RYR1: variants seen among roughly 807,000 people sequenced by gnomAD.
The protein encoded by RYR1 is central core disease of muscle.
In RYR1, 342 loss-of-function variants were observed where a neutral mutation model predicts 583.5. The observed-to-expected ratio is 0.59, with a 90% CI of 0.54 to 0.64. The LOEUF is 0.64. Ranked by LOEUF, RYR1 falls within the 30% of genes least tolerant of loss-of-function variation. The pLI is 0.00. For missense variants in RYR1, 6,032 were observed against 6,917.2 expected (o/e 0.87, Z 4.54); for synonymous variants, 2,791 against 2,822.5 (o/e 0.99, Z 0.35).
intron 96 of RYR1, among the ~76,000 whole-genome samples, chr19:38,575,536 C>T (rs58566631): frequency 0.023 from 3,514 of 152,096 alleles, 107 homozygotes; most frequent in African/African-American, 0.081. Flanking sequence ...TGGTGGTGGG[C>T]GCCTGTAATC....
At chr19:38,538,038 G>T (rs531940040) in intron 84 of RYR1, 78 bp downstream of exon 84, 3 of 1,356,214 alleles carry the variant, frequency 2.2e-6, no homozygotes, top group Admixed American at 1.7e-5. Flanking sequence ...ATTAGTTTCC[G>T]CCCCTCCTCC....
At position 38,564,853 on chromosome 19, in the gene RYR1, A is replaced by G. The variant is rs1459708484; in HGVS notation, c.12625-106A>G. The G allele has an allele frequency of 2.4e-5, 37 of 1,515,696 alleles. No individual in the cohort carries two copies. The Middle Eastern group carries it at 1.1e-3, about 47-fold the overall frequency. 93.9% of individuals were successfully genotyped at this position (1,515,696 alleles called of 1,614,324 possible). A position where few individuals can be genotyped will look rare whatever the true frequency, so the allele number is the denominator to read the frequency against. On this transcript the variant is annotated intron_variant, in intron 90 of 105. Transcript: ENST00000359596. ...AAAACAAAATACCAACAATGCATTT[A>G]GAACAGCGCCTGCCGCGGTGACCCC...
rs998214112 is a variant in RYR1, at chr19:38,576,101, C to G, written c.14172+140C>G. ...CTTTCTGAGTAGCACCTCAGTTTCC[C>G]CATGGGGAGATGGGCATAGTAAGCT... On this transcript the variant is annotated intron_variant, in intron 97 of 105. Coordinates refer to ENST00000359596, the MANE Select transcript of RYR1 (RefSeq NM_000540.3). The G allele has an allele frequency of 1.2e-4, 106 of 893,028 alleles. No individual in the cohort carries two copies. In the South Asian group the frequency reaches 1.3e-3, roughly 11 times the overall value. The allele number at this position is 893,028 out of a possible 1,614,324, so 55.3% of individuals were successfully genotyped here. A position where few individuals can be genotyped will look rare whatever the true frequency, so the allele number is the denominator to read the frequency against.
rs373359594 is a variant in RYR1, at chr19:38,469,678, T to C, written c.3765+165T>C. Among the ~76,000 whole-genome samples, 5 of 152,260 alleles carry C rather than the reference T, an allele frequency of 3.3e-5. 1 individual carries two copies. In the South Asian group the frequency reaches 1.0e-3, roughly 32 times the overall value. ...GGGCTGTATGACTCCGGGTGTAACT[T>C]TGGCAAACCACAGCTTCCTGAGGTC... On this transcript the variant is annotated intron_variant, in intron 27 of 105. Coordinates refer to ENST00000359596, the MANE Select transcript of RYR1 (RefSeq NM_000540.3).
chr19:38,502,822 C>CAGGGGGAGGAGCAGGGGG (rs1970243675), intron 48 of RYR1, 58 bp from the exon 49 acceptor site: 1 of 1,472,758 alleles, frequency 6.8e-7, no homozygotes, highest in Non-Finnish European at 9.1e-7. Flanking sequence ...GGAGCAGGGG[C>CAGGGGGAGGAGCAGGGGG]AGGGGCAGCA....
intron 88 of RYR1, 110 bp from the exon 89 acceptor site, chr19:38,548,123 C>T: frequency 8.2e-7 from 1 of 1,213,752 alleles, no homozygotes; most frequent in Middle Eastern, 2.7e-4. Flanking sequence ...CTGTGGCTGG[C>T]CAGGGACACT....
In RYR1 at chr19:38,496,438, C is replaced by T. The variant is rs1282268463; in HGVS notation, c.6693C>T (p.Ser2231=). 6.2e-7 allele frequency: 1 copy of T among 1,613,834 alleles called. No homozygotes were observed. Among genetic ancestry groups the T allele is most frequent in the East Asian group, 2.2e-5 (1 of 44,888 alleles). Residue 2231 remains serine, a synonymous_variant, in exon 41 of 106, where the codon AGC becomes AGT. Transcript: ENST00000359596. This position sits in a 1 kb window ranked among gnomAD's most constrained non-coding sequence, Gnocchi z 4.8. ...TCCGCTTCCCCAAGATGGTGACAAG[C>T]TGCTGCCGCTTCCTCTGCTATTTCT... ...KEIRFPKMVT[S]CCRFLCYFCR...
chr19:38,479,510 C>G (rs906833162), intron 31 of RYR1, among the ~76,000 whole-genome samples: 1 of 151,430 alleles, frequency 6.6e-6, no homozygotes, highest in African/African-American at 2.4e-5. Flanking sequence ...CAGGCTCAAG[C>G]AATCCTTCTG....
At chr19:38,466,702 C>T (rs999635754) in intron 24 of RYR1, among the ~76,000 whole-genome samples, 9 of 151,994 alleles carry the variant, frequency 5.9e-5, no homozygotes, top group African/African-American at 1.9e-4. Context: ...AGGATTTCAC[C>T]GTTTTAGCCA....
chr19:38,519,274 C>T lies in RYR1; in HGVS notation c.10079C>T (p.Pro3360Leu). The change falls in exon 67 of 106, where the codon CCA becomes CTA. Residue 3360 changes from proline to leucine, a missense_variant. By Grantham distance (98) the Pro-to-Leu change is moderately conservative. This residue lies in a region of RYR1 where 1,493 missense variants were observed against 1,715.5 expected (regional missense o/e 0.87). Transcript: ENST00000359596. ...GAGCTCCTGCAGTCCCACTTCATCCCAACTATCGGGCGGCTGCGCAAGAGG... is the reference window on the plus strand; with the variant it reads ...GAGCTCCTGCAGTCCCACTTCATCCTAACTATCGGGCGGCTGCGCAAGAGG... Reference protein sequence around the residue: ...RPELLQSHFIPTIGRLRKRAG... With the variant: ...RPELLQSHFILTIGRLRKRAG... 1 of 1,614,136 alleles carries T rather than the reference C, an allele frequency of 6.2e-7. No individual in the cohort carries two copies. Among genetic ancestry groups the T allele is most frequent in the Non-Finnish European group, 8.5e-7 (1 of 1,180,024 alleles).
Position 38,561,267 on chromosome 19 carries a change from T to C in RYR1, c.12437T>C (p.Leu4146Pro). Reference protein sequence around the residue: ...RDIGFNVAVLLTNLSEHVPHD... With the variant: ...RDIGFNVAVLPTNLSEHVPHD... ...ATCGGCTTCAACGTGGCGGTGCTGC[T>C]GACCAACCTGTCGGAGCATGTGCCG... The change falls in exon 90 of 106, where the codon CTG (leucine) becomes CCG (proline). Residue 4146 changes from leucine to proline, a missense_variant. Coordinates refer to ENST00000359596, the MANE Select transcript of RYR1 (RefSeq NM_000540.3). The surrounding 1 kb of genome is among the most constrained non-coding windows in gnomAD (Gnocchi z 4.8). 6.2e-7 allele frequency: 1 copy of C among 1,614,112 alleles called. No individual in the cohort carries two copies.
At chr19:38,536,887 C>T in intron 83 of RYR1, 120 bp downstream of exon 83, 5 of 1,058,300 alleles carry the variant, frequency 4.7e-6, no homozygotes, top group Non-Finnish European at 4.4e-6. Flanking sequence ...GACCCTTCAG[C>T]AGGTGCACCC....
chr19:38,530,702 G>C (rs1712186440), intron 76 of RYR1, among the ~76,000 whole-genome samples: 1 of 152,110 alleles, frequency 6.6e-6, no homozygotes, highest in African/African-American at 2.4e-5. Context: ...TTTGTCTGTA[G>C]TCCTGGGTGG....
chr19:38,501,079 GT>G, intron 47 of RYR1, 89 bp downstream of exon 47: 2 of 1,327,134 alleles, frequency 1.5e-6, no homozygotes, highest in Non-Finnish European at 2.1e-6. Context: ...AGCTGCTTTT[GT>G]TTTTCTTGGG....
At position 38,512,535 on chromosome 19, in the gene RYR1, C is replaced by A; in HGVS notation, c.9472+52C>A. On this transcript the variant is annotated intron_variant, in intron 63 of 105. Coordinates refer to ENST00000359596, the MANE Select transcript of RYR1 (RefSeq NM_000540.3). The surrounding 1 kb of genome is among the most constrained non-coding windows in gnomAD (Gnocchi z 5.1). ...TTGCGGGGAGTCAGTGTGGCCAACA[C>A]CACCCATCCGGGTGCCTGTGAGAGT... The A allele has an allele frequency of 6.5e-7, 1 of 1,535,644 alleles. No individual in the cohort carries two copies. Among genetic ancestry groups the A allele is most frequent in the Non-Finnish European group, 8.9e-7 (1 of 1,120,438 alleles).
chr19:38,447,914 G>A (rs1973027532), intron 9 of RYR1, among the ~76,000 whole-genome samples: 1 of 151,410 alleles, frequency 6.6e-6, no homozygotes, highest in South Asian at 2.1e-4. Context: ...GGAAAAGGAG[G>A]TTTGGGGGGT....
chr19:38,505,239 C>G (rs1029602860), intron 52 of RYR1, 70 bp from the exon 53 acceptor site: 1 of 1,235,818 alleles, frequency 8.1e-7, no homozygotes, highest in Admixed American at 1.8e-5. Context: ...CTGTCCTCGG[C>G]TCCTCCAGGG....
intron 84 of RYR1, 131 bp downstream of exon 84, chr19:38,538,091 A>T (rs1042442438): frequency 1.2e-6 from 1 of 845,694 alleles, no homozygotes; most frequent in Non-Finnish European, 1.9e-6. Flanking sequence ...GTGTCAATCC[A>T]CCTAGCTTTC....
At position 38,545,583 on chromosome 19, in the gene RYR1, C is replaced by T. The variant is rs187561712; in HGVS notation, c.12013-862C>T. 9.9e-5 allele frequency among the ~76,000 whole-genome samples: 15 copies of T among 152,222 alleles called. No homozygotes were observed. In the East Asian group the frequency reaches 2.1e-3, roughly 22 times the overall value. On this transcript the variant is annotated intron_variant, in intron 87 of 105. Transcript: ENST00000359596. ...ATCCCAGCACTCTGGGAGCCCTAGG[C>T]GGGCAGATCACCTGAGGTCAGGAGT...
Sources: gnomAD v4.1 joint callset for allele counts (sites outside exome capture counted in the v4.1 genomes callset) on GRCh38, gnomAD v4.1.1 for gene constraint, gnomAD v4.1.1 regional missense constraint, Gnocchi (gnomAD v3.1) non-coding constraint, MANE v1.5 for transcripts, NCBI Gene and HGNC (gene_info 2026-07-23, HGNC 2026-07-21) for gene names.